The following HECW1 variants were observed in gnomAD, a reference collection of about 807,000 sequenced individuals.
HECW1 encodes E3 ubiquitin-protein ligase HECW1.
Under a neutral mutation model 182.3 loss-of-function variants are expected in HECW1, and 61 were observed. That is an observed-to-expected ratio of 0.33 (90% confidence interval 0.27 to 0.41). HECW1 has a LOEUF of 0.41. Ranked by LOEUF, HECW1 falls within the 10% of genes least tolerant of loss-of-function variation. HECW1 has a pLI of 1.00. For missense variants in HECW1, 1,739 were observed against 2,108.9 expected (o/e 0.82, Z 3.44); for synonymous variants, 859 against 832.6 (o/e 1.03, Z -0.55).
chr7:43,417,000 C>G (rs914203540), intron 8 of HECW1, among the ~76,000 whole-genome samples: 2 of 152,220 alleles, frequency 1.3e-5, no homozygotes, highest in Non-Finnish European at 2.9e-5. Context: ...GCGTCGCTCA[C>G]GCTGGGAGCT....
intron 17 of HECW1, among the ~76,000 whole-genome samples, chr7:43,488,901 TTGTC>T (rs2078826112): frequency 6.6e-6 from 1 of 152,338 alleles, no homozygotes; most frequent in African/African-American, 2.4e-5. Flanking sequence ...TGAAGAATGT[TTGTC>T]AGTCAGTCAT....
intron 6 of HECW1, chr7:43,378,020 T>A (rs1232918842): frequency 5.6e-6 from 1 of 177,018 alleles, no homozygotes; most frequent in Middle Eastern, 2.1e-3. Flanking sequence ...CATTTACACA[T>A]AGTCACTAAT....
chr7:43,121,832 G>A (rs1350766848), intron 2 of HECW1: 1 of 152,080 alleles, frequency 6.6e-6, no homozygotes, highest in Non-Finnish European at 1.5e-5. Flanking sequence ...GCTCCTCTAG[G>A]TTAAGGGCTT....
intron 2 of HECW1, among the ~76,000 whole-genome samples, chr7:43,122,849 CAT>C (rs1376044994): frequency 6.6e-6 from 1 of 152,174 alleles, no homozygotes; most frequent in Admixed American, 6.5e-5. Flanking sequence ...ATACACATAA[CAT>C]ATATAAACAC....
rs1196112782 is a variant in HECW1, at chr7:43,437,907, G to A, written c.802-96G>A. ...TTATATATAGGTATATTATAGCTAG[G>A]ATGTTTTACAGTGACAGCATCAAGG... On this transcript the variant is annotated intron_variant, in intron 8 of 29. Coordinates refer to ENST00000395891, the MANE Select transcript of HECW1 (RefSeq NM_015052.5). 10 of 1,238,456 alleles carry A rather than the reference G, an allele frequency of 8.1e-6. No individual in the cohort carries two copies. The South Asian group carries it at 1.2e-4, about 15-fold the overall frequency. The allele number at this position is 1,238,456 out of a possible 1,614,324, so 76.7% of individuals were successfully genotyped here. A position where few individuals can be genotyped will look rare whatever the true frequency, so the allele number is the denominator to read the frequency against.
intron 2 of HECW1, among the ~76,000 whole-genome samples, chr7:43,149,824 A>T (rs1285178403): frequency 6.6e-6 from 1 of 152,156 alleles, no homozygotes; most frequent in African/African-American, 2.4e-5. Context: ...GACTTTATAT[A>T]TTGCATGATT....
chr7:43,389,177 T>C (rs535380099), intron 6 of HECW1, among the ~76,000 whole-genome samples: 57 of 152,350 alleles, frequency 3.7e-4, no homozygotes, highest in African/African-American at 1.3e-3. Context: ...CTTTAAGATG[T>C]CTATCTTTCC....
intron 3 of HECW1, among the ~76,000 whole-genome samples, chr7:43,263,110 A>G (rs1301825798): frequency 6.6e-6 from 1 of 152,210 alleles, no homozygotes; most frequent in Non-Finnish European, 1.5e-5. Context: ...GTGCGATGAA[A>G]AGAATACAGT....
At chr7:43,492,284 A>C (rs2078961719) in intron 18 of HECW1, 104 bp downstream of exon 18, 1 of 763,436 alleles carries the variant, frequency 1.3e-6, no homozygotes, top group African/African-American at 1.8e-5. Flanking sequence ...TTTACTATTC[A>C]ACATTCTGTC....
intron 9 of HECW1, among the ~76,000 whole-genome samples, chr7:43,440,810 A>G (rs1346104890): frequency 6.6e-6 from 1 of 152,186 alleles, no homozygotes; most frequent in African/African-American, 2.4e-5. Flanking sequence ...TTTTCTGCAC[A>G]TAATGCTTTA....
At chr7:43,182,952 G>T (rs1435049678) in intron 2 of HECW1, among the ~76,000 whole-genome samples, 1 of 151,942 alleles carries the variant, frequency 6.6e-6, no homozygotes, top group Non-Finnish European at 1.5e-5. Flanking sequence ...ATTTTAAATG[G>T]TATTGTTTTC....
At chr7:43,452,953 TGGAGCAAACTGA>T (rs1463663641) in intron 12 of HECW1, among the ~76,000 whole-genome samples, 1 of 152,226 alleles carries the variant, frequency 6.6e-6, no homozygotes, top group Non-Finnish European at 1.5e-5. Context: ...CCAGTGCATC[TGGAGCAAACTGA>T]GGAAGGGAGA....
At chr7:43,234,608 T>C (rs1035306995) in intron 2 of HECW1, among the ~76,000 whole-genome samples, 3 of 152,230 alleles carry the variant, frequency 2.0e-5, no homozygotes, top group Admixed American at 6.5e-5. Context: ...TTTGAAGCTT[T>C]TCCTGGAGAC....
chr7:43,261,922 TA>T (rs1229622502), intron 3 of HECW1, among the ~76,000 whole-genome samples: 17 of 152,088 alleles, frequency 1.1e-4, no homozygotes, highest in Non-Finnish European at 2.1e-4. Context: ...AATTAGTCAG[TA>T]AAAAATTACA....
At chr7:43,140,362 G>C (rs1583658037) in intron 2 of HECW1, among the ~76,000 whole-genome samples, 1 of 152,192 alleles carries the variant, frequency 6.6e-6, no homozygotes, top group Non-Finnish European at 1.5e-5. Flanking sequence ...ACTGATGAGC[G>C]ACTGTGCCCC....
At chr7:43,545,092 C>T (rs570810316) in intron 26 of HECW1, among the ~76,000 whole-genome samples, 2 of 152,296 alleles carry the variant, frequency 1.3e-5, no homozygotes, top group Non-Finnish European at 2.9e-5. Flanking sequence ...AGCAAGACCC[C>T]ATCTCTAAAA....
chr7:43,207,992 G>A (rs1363266935), intron 2 of HECW1: 3 of 152,158 alleles, frequency 2.0e-5, no homozygotes, highest in Non-Finnish European at 4.4e-5. Flanking sequence ...TAGGAGTTGT[G>A]ATGTTACCTC....
chr7:43,212,257 T>G (rs1796064615), intron 2 of HECW1, among the ~76,000 whole-genome samples: 1 of 152,212 alleles, frequency 6.6e-6, no homozygotes, highest in Non-Finnish European at 1.5e-5. Context: ...AGGGTTGTGT[T>G]ATTAATTAAG....
intron 24 of HECW1, among the ~76,000 whole-genome samples, chr7:43,519,015 T>C (rs1277649195): frequency 1.3e-5 from 2 of 152,140 alleles, no homozygotes; most frequent in African/African-American, 2.4e-5. Flanking sequence ...AGTTATCTCA[T>C]AGAAACAAAA....
Sources: gnomAD v4.1 joint callset for allele counts (sites outside exome capture counted in the v4.1 genomes callset) on GRCh38, gnomAD v4.1.1 for gene constraint, MANE v1.5 for transcripts, NCBI Gene and HGNC (gene_info 2026-07-23, HGNC 2026-07-21) for gene names.